EMCN: variants seen among roughly 807,000 people sequenced by gnomAD.
The protein encoded by EMCN is endomucin.
In EMCN, 37 loss-of-function variants were observed where a neutral mutation model predicts 38.4. That is an observed-to-expected ratio of 0.96 (90% CI 0.74 to 1.27). EMCN has a LOEUF of 1.27. Among genes scored for constraint, EMCN ranks in the 50% most tolerant of loss-of-function variants. The probability of loss-of-function intolerance (pLI) is 0.00; values close to 1 mark genes in which losing one functional copy is unlikely to be tolerated. For synonymous variants in EMCN, 95 were observed against 100.8 expected, an observed-to-expected ratio of 0.94 and a Z score of 0.35; for missense variants, 318 against 302.8, an observed-to-expected ratio of 1.05 and a Z score of -0.37.
intron 5 of EMCN, among the ~76,000 whole-genome samples, chr4:100,440,343 G>C (rs6810732): frequency 6.6e-6 from 1 of 151,906 alleles, no homozygotes; most frequent in Non-Finnish European, 1.5e-5. Flanking sequence ...TGTCACCTGA[G>C]TAGTGTATAT....
At chr4:100,483,569 G>A (rs971872561) in intron 1 of EMCN, 2 of 151,916 alleles carry the variant, frequency 1.3e-5, no homozygotes, top group Non-Finnish European at 2.9e-5. Flanking sequence ...CACATAAAAT[G>A]TTTCCATATT....
intron 5 of EMCN, among the ~76,000 whole-genome samples, chr4:100,441,943 T>C (rs965888626): frequency 2.6e-5 from 4 of 152,178 alleles, no homozygotes; most frequent in African/African-American, 9.7e-5. Context: ...TATTAGAGTG[T>C]TCCTGATTTT....
chr4:100,496,985 T>C (rs1040654193), intron 1 of EMCN, among the ~76,000 whole-genome samples: 23 of 147,884 alleles, frequency 1.6e-4, no homozygotes, highest in African/African-American at 5.8e-4. Flanking sequence ...CTCTCTTTCC[T>C]TTTTTTTTTC....
At chr4:100,423,507 A>C (rs978302904) in intron 5 of EMCN, 103 bp from the exon 6 acceptor site, 8 of 763,368 alleles carry the variant, frequency 1.0e-5, no homozygotes, top group Non-Finnish European at 1.8e-5. Flanking sequence ...ATCTGTGAAA[A>C]CTATTTATTG....
intron 3 of EMCN, among the ~76,000 whole-genome samples, chr4:100,470,852 A>G (rs1728457755): frequency 6.6e-6 from 1 of 151,976 alleles, no homozygotes; most frequent in African/African-American, 2.4e-5. Context: ...ATGAACACAT[A>G]GAGGGGTCAA....
intron 1 of EMCN, among the ~76,000 whole-genome samples, chr4:100,497,580 G>A (rs1729242921): frequency 6.6e-6 from 1 of 152,234 alleles, no homozygotes; most frequent in South Asian, 2.1e-4. Context: ...GTTTCACCGT[G>A]TTAGCCAGGA....
chr4:100,398,131 C>T lies in EMCN; in HGVS notation c.*282G>A, dbSNP rs1174079807. 1.3e-5 allele frequency: 2 copies of T among 152,090 alleles called. No individual in the cohort carries two copies. The highest frequency in any genetic ancestry group is 4.8e-5 in the African/African-American group (2 of 41,416). The allele number at this position is 152,090 out of a possible 1,614,324, so 9.4% of individuals were successfully genotyped here. A position where few individuals can be genotyped will look rare whatever the true frequency, so the allele number is the denominator to read the frequency against. On this transcript the variant is annotated 3_prime_UTR_variant, in exon 12 of 12. Transcript: ENST00000296420. ...CTGTCAGATTCACTGCTCACAAATT[C>T]TCCTCCTAAAATTCCTTTTCCTAGG...
chr4:100,403,436 G>A (rs1726311719), intron 11 of EMCN, among the ~76,000 whole-genome samples: 1 of 138,740 alleles, frequency 7.2e-6, no homozygotes, highest in Non-Finnish European at 1.6e-5. Context: ...TCTTTATCTA[G>A]TCCACCACTG....
intron 5 of EMCN, among the ~76,000 whole-genome samples, chr4:100,429,437 A>T (rs1306927025): frequency 1.3e-5 from 2 of 152,164 alleles, no homozygotes; most frequent in South Asian, 2.1e-4. Flanking sequence ...TGTCTACTTC[A>T]TAGGTAAAAT....
intron 4 of EMCN, among the ~76,000 whole-genome samples, chr4:100,459,316 C>T (rs1256231668): frequency 8.3e-5 from 10 of 119,826 alleles, no homozygotes; most frequent in African/African-American, 2.5e-4. Context: ...TATATATATA[C>T]ATATGGTGTA....
At chr4:100,401,496 C>A (rs548743227) in intron 11 of EMCN, among the ~76,000 whole-genome samples, 1 of 152,232 alleles carries the variant, frequency 6.6e-6, no homozygotes, top group Non-Finnish European at 1.5e-5. Context: ...TGAAATCAAT[C>A]TTCCACCTCC....
intron 1 of EMCN, among the ~76,000 whole-genome samples, chr4:100,481,396 A>G (rs1728801475): frequency 6.6e-6 from 1 of 152,108 alleles, no homozygotes; most frequent in South Asian, 2.1e-4. Context: ...AGTTCTTAGC[A>G]CTGACTCTTT....
chr4:100,478,633 G>A (rs1728723932), intron 2 of EMCN, among the ~76,000 whole-genome samples: 1 of 152,162 alleles, frequency 6.6e-6, no homozygotes, highest in Admixed American at 6.6e-5. Context: ...GATTTGGGGA[G>A]ATGGACATAT....
intron 1 of EMCN, among the ~76,000 whole-genome samples, chr4:100,496,848 A>T (rs1729219675): frequency 6.6e-6 from 1 of 152,180 alleles, no homozygotes; most frequent in South Asian, 2.1e-4. Context: ...GTTGTACCCT[A>T]TTACACAAAC....
Position 100,397,209 on chromosome 4 carries a change from A to C in EMCN, c.*1204T>G, listed in dbSNP as rs1726142770. 1 of 152,172 alleles carries C rather than the reference A, an allele frequency of 6.6e-6. No individual in the cohort carries two copies. Among genetic ancestry groups the C allele is most frequent in the Non-Finnish European group, 1.5e-5 (1 of 68,024 alleles). 9.4% of individuals were successfully genotyped at this position (152,172 alleles called of 1,614,324 possible). A position where few individuals can be genotyped will look rare whatever the true frequency, so the allele number is the denominator to read the frequency against. ...TAATTTAGCATCAAAATCAGCTTAGATAATCATACGTTACAAAGCTGCCAC... is the reference window on the plus strand; with the variant it reads ...TAATTTAGCATCAAAATCAGCTTAGCTAATCATACGTTACAAAGCTGCCAC... On this transcript the variant is annotated 3_prime_UTR_variant, in exon 12 of 12. Coordinates refer to ENST00000296420, the MANE Select transcript of EMCN (RefSeq NM_016242.4).
intron 5 of EMCN, among the ~76,000 whole-genome samples, chr4:100,431,106 T>A (rs1727184767): frequency 1.3e-5 from 2 of 152,148 alleles, no homozygotes; most frequent in South Asian, 4.1e-4. Context: ...GGATGGAGCA[T>A]CCTCTTTTCC....
At chr4:100,431,912 G>A (rs529244065) in intron 5 of EMCN, among the ~76,000 whole-genome samples, 2 of 152,024 alleles carry the variant, frequency 1.3e-5, no homozygotes, top group East Asian at 3.9e-4. Context: ...AGGGTTAATG[G>A]CTTATTCCTT....
chr4:100,427,406 G>A (rs1303890668), intron 5 of EMCN, among the ~76,000 whole-genome samples: 1 of 151,634 alleles, frequency 6.6e-6, no homozygotes, highest in African/African-American at 2.4e-5. Context: ...TAAGTAGATA[G>A]GGCCACAGGT....
rs544373307 is a variant in EMCN, at chr4:100,463,330, G to A, written c.376+2093C>T. ...GATGCCATAGGTATGCACATGAATTGCCATGACTACCGCAGACTCCCACTA... is the reference window on the plus strand; with the variant it reads ...GATGCCATAGGTATGCACATGAATTACCATGACTACCGCAGACTCCCACTA... On this transcript the variant is annotated intron_variant, in intron 4 of 11. Transcript: ENST00000296420. Among the ~76,000 whole-genome samples, 30 of 152,128 alleles carry A rather than the reference G, an allele frequency of 2.0e-4. No homozygotes were observed. In the South Asian group the frequency reaches 6.2e-3, roughly 32 times the overall value.
Sources: gnomAD v4.1 joint callset for allele counts (sites outside exome capture counted in the v4.1 genomes callset) on GRCh38, gnomAD v4.1.1 for gene constraint, MANE v1.5 for transcripts, NCBI Gene and HGNC (gene_info 2026-07-23, HGNC 2026-07-21) for gene names.